HMCN1: variants seen among roughly 807,000 people sequenced by gnomAD.
HMCN1 encodes the protein hemicentin-1.
A neutral mutation model predicts 625.9 loss-of-function variants in HMCN1; 321 were observed. That is an observed-to-expected ratio of 0.51 (90% CI 0.47 to 0.56). HMCN1 has a LOEUF of 0.56. HMCN1 is among the 20% of genes least tolerant of loss of function. The pLI, the probability that HMCN1 is intolerant of heterozygous loss-of-function variation, is 0.00. For synonymous variants in HMCN1, 2,425 were observed against 2,417.6 expected (o/e 1.00, Z -0.09); for missense variants, 6,588 against 6,887.3 (o/e 0.96, Z 1.54).
At chr1:186,046,076 CA>C (rs1008573905) in intron 41 of HMCN1, among the ~76,000 whole-genome samples, 1 of 151,808 alleles carries the variant, frequency 6.6e-6, no homozygotes, top group African/African-American at 2.4e-5. Flanking sequence ...GAAATGATCC[CA>C]AAAAAATGCT....
At chr1:185,989,401 A>C in intron 20 of HMCN1, 87 bp from the exon 21 acceptor site, 1 of 1,488,590 alleles carries the variant, frequency 6.7e-7, no homozygotes, top group South Asian at 1.1e-5. Flanking sequence ...TTTTCTCTCT[A>C]TTCCTCTTCC....
At chr1:185,965,629 C>T (rs1650350186) in intron 13 of HMCN1, among the ~76,000 whole-genome samples, 173 bp from the exon 14 acceptor site, 1 of 151,806 alleles carries the variant, frequency 6.6e-6, no homozygotes, top group Non-Finnish European at 1.5e-5. Flanking sequence ...GATAAATGAT[C>T]TTTTTATCAC....
chr1:186,115,152 A>T, intron 74 of HMCN1, 106 bp from the exon 75 acceptor site: 1 of 1,459,188 alleles, frequency 6.9e-7, no homozygotes, highest in Admixed American at 1.7e-5. Context: ...TTTGCTCATA[A>T]CTATGAGGCA....
Position 185,925,047 on chromosome 1 carries a change from A to T in HMCN1, c.1286A>T (p.Asp429Val), listed in dbSNP as rs1359760902. 3 of 1,608,654 alleles carry T rather than the reference A, an allele frequency of 1.9e-6. No homozygotes were observed. The highest frequency in any genetic ancestry group is 2.5e-6 in the Non-Finnish European group (3 of 1,176,844). Residue 429 changes from aspartate (D) to valine (V), a missense_variant and splice_region_variant, in exon 9 of 107, where the codon GAT (aspartate) becomes GTT (valine). Transcript: ENST00000271588. ...TTTTTGTTTTTGTTTTTTTTCCTAG[A>T]TGCTCCCAAAGTTACGATGCCTGAG... ...SSVSFSSIVP[D>V]APKVTMPEKT... is the part of the protein sequence containing the mutation.
rs141255890 is a variant in HMCN1, at chr1:186,090,760, C to T, written c.9730C>T (p.Pro3244Ser). 1.9e-5 allele frequency: 30 copies of T among 1,612,082 alleles called. No individual in the cohort carries two copies. The African/African-American group carries it at 3.5e-4, about 19-fold the overall frequency. The change falls in exon 64 of 107, where the codon CCT becomes TCT. Residue 3244 changes from proline to serine, a missense_variant and splice_region_variant. Physicochemically the swap from Pro to Ser is moderately conservative, Grantham distance 74 (BLOSUM62 -1). Around this residue, in one of 3 missense-constraint regions of HMCN1, gnomAD observed 4,628 missense variants for 4,853.1 expected, o/e 0.95. Transcript: ENST00000271588. The part of the protein sequence containing the change: ...QKYYFLSIQV[P>S]PSVAGAEIPS... ...AATTCCTAATTATTTCTCCAAAGTT[C>T]CTCCAAGTGTTGCTGGTGCTGAAAT...
intron 100 of HMCN1, among the ~76,000 whole-genome samples, chr1:186,169,441 A>G (rs1344183212): frequency 6.6e-6 from 1 of 152,230 alleles, no homozygotes; most frequent in Non-Finnish European, 1.5e-5. Context: ...ACTTCAAACT[A>G]TATTACAAGG....
intron 88 of HMCN1, 27 bp downstream of exon 88, chr1:186,137,695 C>T (rs758626396): frequency 6.2e-7 from 1 of 1,613,824 alleles, no homozygotes; most frequent in Non-Finnish European, 8.5e-7. Context: ...AACTGATAGG[C>T]ATGTGTTTAA....
chr1:185,979,151 A>T (rs771794206), intron 16 of HMCN1, among the ~76,000 whole-genome samples: 1 of 152,146 alleles, frequency 6.6e-6, no homozygotes, highest in Non-Finnish European at 1.5e-5. Context: ...CTCTGAGTGG[A>T]TGCCCATGAA....
intron 1 of HMCN1, among the ~76,000 whole-genome samples, chr1:185,782,169 C>T (rs1226003756): frequency 1.3e-5 from 2 of 152,032 alleles, no homozygotes; most frequent in East Asian, 1.9e-4. Flanking sequence ...GGATTGCAAC[C>T]TCTGCCTTTT....
chr1:185,887,040 T>G (rs1171169174), intron 4 of HMCN1, among the ~76,000 whole-genome samples: 2 of 152,130 alleles, frequency 1.3e-5, no homozygotes, highest in Non-Finnish European at 2.9e-5. Context: ...TCTGCTTCCT[T>G]AACCTGAAAT....
intron 1 of HMCN1, among the ~76,000 whole-genome samples, chr1:185,806,664 C>T (rs765219896): frequency 8.6e-5 from 13 of 151,882 alleles, no homozygotes; most frequent in Non-Finnish European, 1.5e-4. Flanking sequence ...CTCTCACGTA[C>T]GATGGCATTG....
At chr1:185,743,103 A>C (rs1358552243) in intron 1 of HMCN1, among the ~76,000 whole-genome samples, 1 of 152,174 alleles carries the variant, frequency 6.6e-6, no homozygotes, top group African/African-American at 2.4e-5. Context: ...GGTCTTTATA[A>C]TTCTGCTTAC....
At chr1:185,773,423 T>A (rs868116212) in intron 1 of HMCN1, among the ~76,000 whole-genome samples, 19 of 152,182 alleles carry the variant, frequency 1.2e-4, no homozygotes, top group Admixed American at 3.9e-4. Context: ...TTTTGTAAAG[T>A]TTTTCTCTTA....
intron 6 of HMCN1, 83 bp from the exon 7 acceptor site, chr1:185,922,296 G>C (rs778464328): frequency 9.8e-6 from 14 of 1,435,022 alleles, no homozygotes; most frequent in Non-Finnish European, 1.4e-5. Context: ...TAAATATTGT[G>C]CAGTTTCCCA....
intron 57 of HMCN1, among the ~76,000 whole-genome samples, chr1:186,083,198 C>T (rs2102386381): frequency 6.6e-6 from 1 of 152,098 alleles, no homozygotes; most frequent in South Asian, 2.1e-4. Context: ...AATAACTACT[C>T]CTGCATATTT....
At chr1:185,769,594 A>T (rs1219306525) in intron 1 of HMCN1, among the ~76,000 whole-genome samples, 1 of 152,212 alleles carries the variant, frequency 6.6e-6, no homozygotes, top group African/African-American at 2.4e-5. Context: ...CAACTATATT[A>T]GTTAGCTTTT....
intron 5 of HMCN1, 132 bp downstream of exon 5, chr1:185,909,640 A>G: frequency 2.5e-6 from 2 of 809,418 alleles, no homozygotes; most frequent in South Asian, 3.2e-5. Context: ...TGGCTAAGGA[A>G]GGTGTTTAAA....
At chr1:185,916,068 A>ATGTGTGTG (rs372973815) in intron 6 of HMCN1, among the ~76,000 whole-genome samples, 30 of 149,386 alleles carry the variant, frequency 2.0e-4, no homozygotes, top group African/African-American at 7.3e-4. Flanking sequence ...GTGTGTGCAT[A>ATGTGTGTG]TGTGTGTGTG....
At position 185,989,386 on chromosome 1, in the gene HMCN1, T is replaced by C. The variant is rs989971749; in HGVS notation, c.3049-102T>C. On this transcript the variant is annotated intron_variant, in intron 20 of 106. Coordinates refer to ENST00000271588, the MANE Select transcript of HMCN1 (RefSeq NM_031935.3). ...ATTTACTCTATTCCCCTCTTGGAGA[T>C]GTTTTTTTCTCTCTATTCCTCTTCC... 90 of 1,308,138 alleles carry C rather than the reference T, an allele frequency of 6.9e-5. No homozygotes were observed. The African/African-American group carries it at 1.1e-3, about 16-fold the overall frequency. 81.0% of individuals were successfully genotyped at this position (1,308,138 alleles called of 1,614,324 possible).
Sources: gnomAD v4.1 joint callset for allele counts (sites outside exome capture counted in the v4.1 genomes callset) on GRCh38, gnomAD v4.1.1 for gene constraint, gnomAD v4.1.1 regional missense constraint, MANE v1.5 for transcripts, NCBI Gene and HGNC (gene_info 2026-07-23, HGNC 2026-07-21) for gene names.